PPP2R2C: variants seen among roughly 807,000 people sequenced by gnomAD.
PPP2R2C encodes protein phosphatase 2 regulatory subunit Bgamma.
In PPP2R2C, 10 loss-of-function variants were observed where a neutral mutation model predicts 45.3. The observed-to-expected ratio is 0.22, with a 90% CI of 0.14 to 0.37. The LOEUF (loss-of-function observed/expected upper bound fraction) is 0.37, where lower values mean the gene tolerates loss of function less well. Among genes scored for constraint, PPP2R2C ranks in the 10% least tolerant of loss-of-function variants. The probability of loss-of-function intolerance (pLI) is 1.00; values close to 1 mark genes in which losing one functional copy is unlikely to be tolerated. For missense variants in PPP2R2C, 308 were observed against 619.7 expected (o/e 0.50, Z 5.34); for synonymous variants, 257 against 245.4 (o/e 1.05, Z -0.44).
At chr4:6,561,132 G>T (rs775860137) in intron 1 of PPP2R2C, among the ~76,000 whole-genome samples, 16 of 152,232 alleles carry the variant, frequency 1.1e-4, no homozygotes, top group Admixed American at 9.8e-4. Context: ...TCAACCCCAA[G>T]GCTGCAATGC....
chr4:6,428,069 C>G (rs1719426086), intron 1 of PPP2R2C, among the ~76,000 whole-genome samples: 1 of 152,228 alleles, frequency 6.6e-6, no homozygotes, highest in South Asian at 2.1e-4. Context: ...GAGGGTCACT[C>G]AGCACTGTAG....
intron 1 of PPP2R2C, among the ~76,000 whole-genome samples, chr4:6,437,236 C>T (rs373492704): frequency 6.2e-4 from 95 of 152,282 alleles, no homozygotes; most frequent in African/African-American, 2.1e-3. Flanking sequence ...TAAAAACCAC[C>T]GAAGCAAAGG....
At chr4:6,404,540 C>G (rs6826531) in intron 1 of PPP2R2C, among the ~76,000 whole-genome samples, 65,719 of 152,028 alleles carry the variant, frequency 0.43, 15,010 homozygotes, top group East Asian at 0.84. Context: ...TAGCACGCTT[C>G]TCACTCTAAA....
At chr4:6,405,113 C>T (rs1490597949) in intron 1 of PPP2R2C, among the ~76,000 whole-genome samples, 1 of 152,236 alleles carries the variant, frequency 6.6e-6, no homozygotes, top group Non-Finnish European at 1.5e-5. Context: ...CTGTGCCCGA[C>T]AGTGTGTGGG....
chr4:6,388,299 C>A (rs1235535365), intron 1 of PPP2R2C, among the ~76,000 whole-genome samples: 3 of 152,172 alleles, frequency 2.0e-5, no homozygotes. Context: ...AGGTGGTATC[C>A]CTAGTGACCC....
In PPP2R2C at chr4:6,534,648, G is replaced by T. The variant is rs4689475; in HGVS notation, c.49+623C>A. On this transcript the variant is annotated intron_variant, in intron 2 of 9. Coordinates refer to the PPP2R2C transcript ENST00000506140. ...GAACACACACATATCAACACACACAGCCCCAAAGAGATACACACCAACACA... is the reference window on the plus strand; with the variant it reads ...GAACACACACATATCAACACACACATCCCCAAAGAGATACACACCAACACA... Among the ~76,000 whole-genome samples, 1,055 of 152,140 alleles carry T rather than the reference G, an allele frequency of 6.9e-3. 15 individuals are homozygous for T. The highest frequency in any genetic ancestry group is 0.024 in the African/African-American group (1,009 of 41,434).
At chr4:6,476,675 A>G (rs750227572), upstream of PPP2R2C, among the ~76,000 whole-genome samples, 4 of 152,180 alleles carry the variant, frequency 2.6e-5, no homozygotes, top group Non-Finnish European at 4.4e-5. Flanking sequence ...CACCCCAAAG[A>G]TAACCCCCAT....
At chr4:6,456,704 G>A (rs1053230719) in intron 1 of PPP2R2C, among the ~76,000 whole-genome samples, 2 of 152,158 alleles carry the variant, frequency 1.3e-5, no homozygotes, top group Non-Finnish European at 2.9e-5. Context: ...GGTGAACCAC[G>A]GGCTGCCTTC....
chr4:6,399,546 T>G (rs1717274626), intron 1 of PPP2R2C, among the ~76,000 whole-genome samples: 1 of 152,192 alleles, frequency 6.6e-6, no homozygotes, highest in African/African-American at 2.4e-5. Context: ...AGGCACAGGG[T>G]AGAATTCATT....
chr4:6,377,601 G>C (rs185577344), intron 3 of PPP2R2C, among the ~76,000 whole-genome samples: 1 of 152,292 alleles, frequency 6.6e-6, no homozygotes, highest in Non-Finnish European at 1.5e-5. Context: ...GGAGGTTGCC[G>C]TGAGCAGAGA....
intron 5 of PPP2R2C, among the ~76,000 whole-genome samples, chr4:6,355,993 G>GAAAAAAAAAAAAA (rs61011461): frequency 1.4e-4 from 14 of 97,904 alleles, no homozygotes; most frequent in East Asian, 5.5e-4. Context: ...ACTCTGCCTG[G>GAAAAAAAAAAAAA]AAAAAAAAAA....
chr4:6,490,829 A>G (rs1722680799), intron 2 of PPP2R2C, among the ~76,000 whole-genome samples: 1 of 152,226 alleles, frequency 6.6e-6, no homozygotes, highest in Non-Finnish European at 1.5e-5. Flanking sequence ...CTCCTCAAGC[A>G]GGATTTCACT....
At chr4:6,431,135 AC>A (rs1405209621) in intron 1 of PPP2R2C, among the ~76,000 whole-genome samples, 2 of 152,140 alleles carry the variant, frequency 1.3e-5, no homozygotes, top group Non-Finnish European at 2.9e-5. Flanking sequence ...GAGCAAGGGG[AC>A]GAGCCGCCTG....
At position 6,472,149 on chromosome 4, in the gene PPP2R2C, A is replaced by T; in HGVS notation, c.70+11T>A. 2 of 1,613,458 alleles carry T rather than the reference A, an allele frequency of 1.2e-6. No homozygotes were observed. The highest frequency in any genetic ancestry group is 1.7e-6 in the Non-Finnish European group (2 of 1,179,590). ...GCCGGCCGGAGGGGTCTCAGACAAC[A>T]CGTACGTTACCTTCAGTCACATAGC... is the stretch of plus-strand genomic sequence containing the variant. On this transcript the variant is annotated intron_variant, in intron 1 of 8. Coordinates refer to ENST00000382599, the MANE Select transcript of PPP2R2C (RefSeq NM_020416.4).
intron 1 of PPP2R2C, among the ~76,000 whole-genome samples, chr4:6,438,270 G>T (rs1037364799): frequency 9.2e-5 from 14 of 152,210 alleles, no homozygotes; most frequent in African/African-American, 3.1e-4. Flanking sequence ...AAGTTAGGTT[G>T]GTTCAAACGC....
intron 1 of PPP2R2C, among the ~76,000 whole-genome samples, chr4:6,410,605 T>C (rs1718103930): frequency 6.6e-6 from 1 of 152,116 alleles, no homozygotes; most frequent in African/African-American, 2.4e-5. Context: ...TGGTGTGCCA[T>C]GCTGGCTGGT....
upstream of PPP2R2C, among the ~76,000 whole-genome samples, chr4:6,475,970 A>G (rs1722130488): frequency 6.6e-6 from 1 of 151,334 alleles, no homozygotes; most frequent in Admixed American, 6.6e-5. Context: ...GAGCTTGCCC[A>G]CTCTCTCCCC....
At chr4:6,489,389 C>T (rs1380013154) in intron 2 of PPP2R2C, among the ~76,000 whole-genome samples, 1 of 152,152 alleles carries the variant, frequency 6.6e-6, no homozygotes, top group African/African-American at 2.4e-5. Flanking sequence ...CCCTCCACAT[C>T]GGGCTTCAGG....
chr4:6,354,638 G>A (rs10014493), intron 5 of PPP2R2C, among the ~76,000 whole-genome samples: 133,389 of 149,380 alleles, frequency 0.89, 61,175 homozygotes, highest in East Asian at 1. Context: ...CTCTGTTCAC[G>A]GTCATTTGCC....
Sources: gnomAD v4.1 joint callset for allele counts (sites outside exome capture counted in the v4.1 genomes callset) on GRCh38, gnomAD v4.1.1 for gene constraint, MANE v1.5 for transcripts, NCBI Gene and HGNC (gene_info 2026-07-23, HGNC 2026-07-21) for gene names.